The following MTMR9 variants were observed in gnomAD, a reference collection of about 807,000 sequenced individuals.
The protein encoded by MTMR9 is myotubularin-related protein 9.
In MTMR9, 39 loss-of-function variants were observed where a neutral mutation model predicts 69.5. The observed-to-expected ratio is 0.56, with a 90% CI of 0.43 to 0.73. The LOEUF is 0.73. Ranked by LOEUF, MTMR9 falls within the 30% of genes least tolerant of loss-of-function variation. MTMR9 has a pLI of 0.00. For missense variants in MTMR9, 900 were observed against 671.2 expected, an observed-to-expected ratio of 1.34 and a Z score of -3.77; for synonymous variants, 354 against 240.8, an observed-to-expected ratio of 1.47 and a Z score of -4.35.
At chr8:11,287,367 T>A (rs763534703) in intron 1 of MTMR9, among the ~76,000 whole-genome samples, 1 of 152,164 alleles carries the variant, frequency 6.6e-6, no homozygotes, top group Non-Finnish European at 1.5e-5. Context: ...GGTGCTGGGC[T>A]TTGTAGTACA....
In MTMR9 at chr8:11,287,965, G is replaced by GTATTATATGTAATATA. The variant is rs1036049521; in HGVS notation, c.182+2903_182+2904insGTAATATATATTATAT. ...ATATATCATACGTATTATATACTAT[G>GTATTATATGTAATATA]TATTATATATGTATTATATAATATA... On this transcript the variant is annotated intron_variant, in intron 1 of 9. Transcript: ENST00000221086. 4.2e-4 allele frequency among the ~76,000 whole-genome samples: 48 copies of GTATTATATGTAATATA among 115,638 alleles called. 1 individual carries two copies. In the East Asian group the frequency reaches 9.5e-3, roughly 23 times the overall value. 75.9% of individuals were successfully genotyped at this position (115,638 alleles called of 152,430 possible). A position where few individuals can be genotyped will look rare whatever the true frequency, so the allele number is the denominator to read the frequency against.
chr8:11,316,797 G>A lies in MTMR9; in HGVS notation c.1238G>A (p.Cys413Tyr), dbSNP rs149021500. The change falls in exon 8 of 10, where the codon TGT becomes TAT. Residue 413 changes from cysteine to tyrosine, a missense_variant. Transcript: ENST00000221086. ...CVWQILRQFP[C>Y]SFEFNENFLI... is the part of the protein sequence containing the mutation. ...TGGCAGATCCTTCGTCAGTTTCCCT[G>A]TTCTTTTGAGTTTAATGAGAATTTC... The A allele has an allele frequency of 3.7e-6, 6 of 1,613,836 alleles. No homozygotes were observed. The highest frequency in any genetic ancestry group is 2.2e-5 in the East Asian group (1 of 44,828).
chr8:11,303,121 C>G, intron 3 of MTMR9, among the ~76,000 whole-genome samples: 1 of 149,236 alleles, frequency 6.7e-6, no homozygotes, highest in East Asian at 2.0e-4. Context: ...GCATGGAAGA[C>G]CAAAAGACCA....
intron 6 of MTMR9, among the ~76,000 whole-genome samples, chr8:11,309,889 A>C (rs1164273143): frequency 2.0e-5 from 3 of 152,216 alleles, no homozygotes; most frequent in African/African-American, 7.2e-5. Context: ...AATATGAACC[A>C]GGTAAATATA....
chr8:11,333,466 A>G, the MTMR9 span, among the ~76,000 whole-genome samples: 3 of 152,182 alleles, frequency 2.0e-5, no homozygotes, highest in Admixed American at 6.5e-5. Context: ...AAGCTTAGGG[A>G]TCTTGTTACT....
rs777396497 is a variant in MTMR9 at position 11,314,905 on chromosome 8, C to T, written c.972-18C>T. The T allele has an allele frequency of 3.7e-6, 6 of 1,611,804 alleles. No homozygotes were observed. In the Middle Eastern group the frequency reaches 5.0e-4, roughly 133 times the overall value. On this transcript the variant is annotated intron_variant, in intron 6 of 9. Transcript: ENST00000221086. ...TTGGACATTTCCCATTTGTACTCTT[C>T]CCTGATTTTCCTATCAGGGAAGGAG...
downstream of MTMR9, chr8:11,332,329 T>C (rs939085912): frequency 1.4e-5 from 13 of 915,762 alleles, no homozygotes; most frequent in Non-Finnish European, 1.2e-5. Flanking sequence ...GAAATCTGGC[T>C]TATTTACAGG....
chr8:11,297,245 T>C (rs1218798675), intron 2 of MTMR9, among the ~76,000 whole-genome samples: 1 of 152,174 alleles, frequency 6.6e-6, no homozygotes, highest in East Asian at 1.9e-4. Flanking sequence ...AATAGAGAAA[T>C]AGAGGAAAAA....
At chr8:11,316,432 T>C (rs555502829) in intron 7 of MTMR9, 1 of 352,548 alleles carries the variant, frequency 2.8e-6, no homozygotes, top group East Asian at 4.5e-5. Flanking sequence ...GCAGTGCAGT[T>C]CCTGTGGTCA....
intron 9 of MTMR9, chr8:11,321,284 G>C (rs2117462170): frequency 2.6e-6 from 1 of 382,168 alleles, no homozygotes; most frequent in Non-Finnish European, 5.3e-6. Flanking sequence ...ACTTCTCTTT[G>C]CTTACTTTCG....
intron 2 of MTMR9, among the ~76,000 whole-genome samples, chr8:11,298,321 G>A (rs1274745732): frequency 1.3e-5 from 2 of 151,994 alleles, no homozygotes; most frequent in East Asian, 1.9e-4. Context: ...AGACATGGAC[G>A]CTGGCTGTTC....
At chr8:11,285,936 C>G (rs1433441319) in intron 1 of MTMR9, among the ~76,000 whole-genome samples, 1 of 141,846 alleles carries the variant, frequency 7.0e-6, no homozygotes, top group East Asian at 2.0e-4. Context: ...ATAATAATCT[C>G]TTTCTTTCTT....
intron 1 of MTMR9, among the ~76,000 whole-genome samples, chr8:11,288,824 G>C (rs188439994): frequency 6.6e-6 from 1 of 152,212 alleles, no homozygotes; most frequent in South Asian, 2.1e-4. Flanking sequence ...TAAACTGTAG[G>C]GGGGCAAGAC....
chr8:11,332,268 A>G, downstream of MTMR9: 1 of 1,289,948 alleles, frequency 7.8e-7, no homozygotes, highest in Non-Finnish European at 1.0e-6. Flanking sequence ...ACATTATAAT[A>G]TTGAGATGTT....
At chr8:11,335,852 T>A in the MTMR9 span, among the ~76,000 whole-genome samples, 1 of 152,194 alleles carries the variant, frequency 6.6e-6, no homozygotes, top group Non-Finnish European at 1.5e-5. Context: ...TATCGCACCC[T>A]AATGACCTCA....
At chr8:11,319,510 C>T (rs1237815537) in intron 8 of MTMR9, 177 bp from the exon 9 acceptor site, 1 of 627,236 alleles carries the variant, frequency 1.6e-6, no homozygotes, top group Non-Finnish European at 2.7e-6. Flanking sequence ...GTTGAGAGTT[C>T]TAATGCCGAT....
chr8:11,331,533 G>A (rs142654795), downstream of MTMR9: 214 of 1,613,784 alleles, frequency 1.3e-4, 2 homozygotes, highest in South Asian at 1.5e-3. Flanking sequence ...CGTATGCTCC[G>A]CTGTCCTCAC....
rs1320786048 is a variant in MTMR9, at chr8:11,328,031, A to G, written c.*5243A>G. 6.6e-6 allele frequency: 1 copy of G among 152,172 alleles called. No individual in the cohort carries two copies. The highest frequency in any genetic ancestry group is 6.5e-5 in the Admixed American group (1 of 15,284). The allele number at this position is 152,172 out of a possible 1,614,324, so 9.4% of individuals were successfully genotyped here. A position where few individuals can be genotyped will look rare whatever the true frequency, so the allele number is the denominator to read the frequency against. On this transcript the variant is annotated 3_prime_UTR_variant, in exon 10 of 10. Transcript: ENST00000221086. ...GAATGTGGTACTGTTCTTAGTGTGT[A>G]ATATTTGCGTATGGTGTTCCTCTGC...
In MTMR9 at chr8:11,325,759, T is replaced by G. The variant is rs986170816; in HGVS notation, c.*2971T>G. 6.6e-6 allele frequency: 1 copy of G among 152,046 alleles called. No individual in the cohort carries two copies. Among genetic ancestry groups the G allele is most frequent in the Admixed American group, 6.6e-5 (1 of 15,256 alleles). The allele number at this position is 152,046 out of a possible 1,614,324, so 9.4% of individuals were successfully genotyped here. The stretch of plus-strand genomic sequence containing the variant: ...GACCTTTCAATAAATATTTATTTGG[T>G]CAAAATTTTTTATTTTGATTTTATT... On this transcript the variant is annotated 3_prime_UTR_variant, in exon 10 of 10. Transcript: ENST00000221086.
Sources: allele counts gnomAD v4.1 joint callset (sites outside exome capture counted in the v4.1 genomes callset), GRCh38; gene constraint gnomAD v4.1.1; transcripts MANE v1.5; gene names NCBI Gene and HGNC (gene_info 2026-07-23, HGNC 2026-07-21).